The following COL24A1 variants were observed in gnomAD, a reference collection of about 807,000 sequenced individuals.
COL24A1 encodes collagen alpha-1(XXIV) chain.
A neutral mutation model predicts 253.9 loss-of-function variants in COL24A1; 224 were observed. The ratio of observed to expected loss-of-function variants is 0.88; its 90% confidence interval spans 0.79 to 0.99. The LOEUF (loss-of-function observed/expected upper bound fraction) is 0.99. Among genes scored for constraint, COL24A1 ranks in the 50% least tolerant of loss-of-function variants. The pLI is 0.00. For synonymous variants in COL24A1, 685 were observed against 673.7 expected, an observed-to-expected ratio of 1.02 and a Z score of -0.26; for missense variants, 2,131 against 2,068.5, an observed-to-expected ratio of 1.03 and a Z score of -0.59.
intron 32 of COL24A1, among the ~76,000 whole-genome samples, chr1:85,886,329 G>A (rs941379764): frequency 1.4e-4 from 21 of 151,596 alleles, no homozygotes; most frequent in African/African-American, 3.1e-4. Flanking sequence ...GATTACAGGC[G>A]TGAGCCACCG....
chr1:85,888,862 G>A (rs894646863), intron 32 of COL24A1, among the ~76,000 whole-genome samples: 6 of 152,030 alleles, frequency 3.9e-5, no homozygotes, highest in South Asian at 4.1e-4. Flanking sequence ...TGTGTCAACC[G>A]ATAATAAAAT....
At chr1:85,924,236 G>A (rs554635616) in intron 24 of COL24A1, among the ~76,000 whole-genome samples, 1 of 152,292 alleles carries the variant, frequency 6.6e-6, no homozygotes, top group African/African-American at 2.4e-5. Flanking sequence ...AATTCTACCA[G>A]AGGTACAAAG....
chr1:85,942,213 C>T (rs961038464), intron 24 of COL24A1, among the ~76,000 whole-genome samples: 1 of 152,156 alleles, frequency 6.6e-6, no homozygotes, highest in African/African-American at 2.4e-5. Context: ...TTGATAGACA[C>T]ATATGACATT....
intron 43 of COL24A1, among the ~76,000 whole-genome samples, chr1:85,830,643 C>T (rs556674186): frequency 7.9e-5 from 12 of 152,108 alleles, no homozygotes; most frequent in African/African-American, 1.4e-4. Context: ...TTTTAAAGCC[C>T]GTCGGAAAAG....
chr1:85,953,119 C>T (rs1690086564), intron 24 of COL24A1, among the ~76,000 whole-genome samples: 1 of 152,088 alleles, frequency 6.6e-6, no homozygotes, highest in African/African-American at 2.4e-5. Context: ...TCATTAGAAC[C>T]CTTTGCTATT....
intron 7 of COL24A1, among the ~76,000 whole-genome samples, chr1:86,076,900 G>A (rs1571845647): frequency 6.6e-6 from 1 of 152,146 alleles, no homozygotes; most frequent in South Asian, 2.1e-4. Context: ...CTAGAAGAAA[G>A]CCTAGGCAAT....
intron 19 of COL24A1, among the ~76,000 whole-genome samples, chr1:86,004,660 TCACTCC>T (rs1695764296): frequency 2.0e-5 from 3 of 152,190 alleles, no homozygotes; most frequent in Admixed American, 2.0e-4. Flanking sequence ...CTATTTACCA[TCACTCC>T]CAATGACACA....
intron 28 of COL24A1, among the ~76,000 whole-genome samples, chr1:85,906,300 T>C (rs1684832019): frequency 8.0e-6 from 1 of 125,458 alleles, no homozygotes; most frequent in Admixed American, 9.0e-5. Context: ...TAGAGGATAT[T>C]TTTAGAATTT....
intron 35 of COL24A1, among the ~76,000 whole-genome samples, chr1:85,872,674 T>G (rs988388014): frequency 6.6e-6 from 1 of 152,168 alleles, no homozygotes; most frequent in African/African-American, 2.4e-5. Context: ...TTACACCTTA[T>G]ACAAAAATTA....
rs747472512 is a variant in COL24A1, at chr1:85,816,855, T to C, written c.3884A>G (p.Tyr1295Cys). ...GLLGPKGIQG[Y>C]HGADGISGNP... ...TCCTGAAATGCCATCTGCTCCATGG[T>C]ATCCTTGTATGCCTTTTGGCCCAAG... Residue 1295 changes from tyrosine to cysteine, a missense_variant, in exon 47 of 60, where the codon TAC becomes TGC. Coordinates refer to ENST00000370571, the MANE Select transcript of COL24A1 (RefSeq NM_152890.7). 10 of 1,613,956 alleles carry C rather than the reference T, an allele frequency of 6.2e-6. No homozygotes were observed. The highest frequency in any genetic ancestry group is 8.5e-6 in the Non-Finnish European group (10 of 1,179,928).
intron 24 of COL24A1, among the ~76,000 whole-genome samples, chr1:85,951,403 G>A (rs1024457047): frequency 1.3e-5 from 2 of 152,134 alleles, no homozygotes; most frequent in Non-Finnish European, 2.9e-5. Context: ...GATGGATCTT[G>A]AAAGTTGATG....
intron 10 of COL24A1, among the ~76,000 whole-genome samples, chr1:86,053,021 T>C (rs924865010): frequency 5.9e-5 from 9 of 152,064 alleles, no homozygotes; most frequent in African/African-American, 2.2e-4. Flanking sequence ...TACATAACTT[T>C]AATAAAGTGA....
intron 2 of COL24A1, among the ~76,000 whole-genome samples, chr1:86,138,533 G>GA (rs942886861): frequency 2.0e-5 from 3 of 152,122 alleles, no homozygotes; most frequent in Non-Finnish European, 4.4e-5. Flanking sequence ...AGATCTGATG[G>GA]TTTTTTAAGG....
chr1:85,851,083 AC>A (rs1344545375), intron 37 of COL24A1, among the ~76,000 whole-genome samples: 6 of 150,566 alleles, frequency 4.0e-5, no homozygotes, highest in Non-Finnish European at 8.9e-5. Flanking sequence ...CAAACTCATC[AC>A]CCTTTTTCCC....
chr1:85,823,651 G>A (rs758542155), intron 44 of COL24A1, 34 bp downstream of exon 44: 6 of 1,613,168 alleles, frequency 3.7e-6, no homozygotes, highest in South Asian at 1.1e-5. Flanking sequence ...TTATATTAAT[G>A]TTAATTTTTA....
chr1:86,029,074 C>T (rs1044055621), intron 14 of COL24A1, among the ~76,000 whole-genome samples: 3 of 151,996 alleles, frequency 2.0e-5, no homozygotes, highest in African/African-American at 7.3e-5. Flanking sequence ...TCTTTGGAAT[C>T]TAACTCCTTT....
chr1:85,870,219 G>A (rs2102536686), intron 35 of COL24A1, among the ~76,000 whole-genome samples: 1 of 152,240 alleles, frequency 6.6e-6, no homozygotes, highest in East Asian at 1.9e-4. Flanking sequence ...GACCTACAAA[G>A]AGACTTAGAC....
intron 14 of COL24A1, among the ~76,000 whole-genome samples, chr1:86,028,975 A>T (rs974329716): frequency 6.6e-6 from 1 of 152,206 alleles, no homozygotes; most frequent in Admixed American, 6.5e-5. Context: ...TATTTAAAAA[A>T]TTTGGTCTTA....
chr1:86,027,189 G>A (rs576749047), intron 14 of COL24A1, among the ~76,000 whole-genome samples: 5 of 152,282 alleles, frequency 3.3e-5, no homozygotes, highest in African/African-American at 1.2e-4. Context: ...CAGAAAATTT[G>A]CAGCATGAGA....
Sources: gnomAD v4.1 joint callset for allele counts (sites outside exome capture counted in the v4.1 genomes callset) on GRCh38, gnomAD v4.1.1 for gene constraint, MANE v1.5 for transcripts, NCBI Gene and HGNC (gene_info 2026-07-23, HGNC 2026-07-21) for gene names.